SEMA3C: variants seen among roughly 807,000 people sequenced by gnomAD.
SEMA3C encodes semaphorin 3C.
In SEMA3C, 47 loss-of-function variants were observed where a neutral mutation model predicts 89.4. The observed-to-expected ratio is 0.53, with a 90% confidence interval of 0.42 to 0.67. The LOEUF (loss-of-function observed/expected upper bound fraction) is 0.67, where lower values mean the gene tolerates loss of function less well. SEMA3C is among the 30% of genes least tolerant of loss of function. SEMA3C has a pLI of 0.00. For missense variants in SEMA3C, 839 were observed against 929.1 expected (o/e 0.90, Z 1.26); for synonymous variants, 310 against 320.2 (o/e 0.97, Z 0.34).
chr7:80,792,823 C>A (rs1320579731), intron 11 of SEMA3C, among the ~76,000 whole-genome samples: 2 of 152,138 alleles, frequency 1.3e-5, no homozygotes, highest in Non-Finnish European at 2.9e-5. Context: ...ATAAGACAGA[C>A]AATGAGTGCT....
chr7:80,910,893 A>C (rs1045785784), intron 2 of SEMA3C, among the ~76,000 whole-genome samples: 10 of 152,080 alleles, frequency 6.6e-5, no homozygotes, highest in Non-Finnish European at 1.2e-4. Context: ...AGGTATAGTG[A>C]ATTTATGGAG....
At chr7:80,826,126 T>G (rs1467988033) in intron 4 of SEMA3C, among the ~76,000 whole-genome samples, 6 of 152,248 alleles carry the variant, frequency 3.9e-5, no homozygotes, top group African/African-American at 1.4e-4. Flanking sequence ...CCAAAAACTT[T>G]TGCAACTTTA....
intron 2 of SEMA3C, among the ~76,000 whole-genome samples, chr7:80,873,241 A>G (rs972727473): frequency 6.6e-6 from 1 of 152,208 alleles, no homozygotes; most frequent in African/African-American, 2.4e-5. Context: ...TGAGCAGGGA[A>G]AAGTGTGGTA....
intron 12 of SEMA3C, among the ~76,000 whole-genome samples, chr7:80,769,838 G>C (rs189363190): frequency 8.4e-6 from 1 of 118,568 alleles, no homozygotes; most frequent in African/African-American, 3.2e-5. Context: ...CAGCCTGGGG[G>C]ATAGAGCAAG....
intron 2 of SEMA3C, among the ~76,000 whole-genome samples, chr7:80,862,989 T>C: frequency 6.6e-6 from 1 of 151,988 alleles, no homozygotes; most frequent in Admixed American, 6.6e-5. Context: ...CTATAAAAAT[T>C]CTAAAAGAGA....
chr7:80,773,394 T>C (rs1788477407), intron 12 of SEMA3C, among the ~76,000 whole-genome samples: 1 of 152,156 alleles, frequency 6.6e-6, no homozygotes, highest in South Asian at 2.1e-4. Context: ...TTTCAAACAC[T>C]TTTGGTAGAA....
intron 11 of SEMA3C, among the ~76,000 whole-genome samples, chr7:80,792,783 T>C (rs1788974044): frequency 6.6e-6 from 1 of 152,176 alleles, no homozygotes; most frequent in African/African-American, 2.4e-5. Context: ...ATAATAATTA[T>C]TCTATTGATT....
chr7:80,908,581 T>C (rs1411038508), intron 2 of SEMA3C, among the ~76,000 whole-genome samples: 1 of 152,092 alleles, frequency 6.6e-6, no homozygotes, highest in Non-Finnish European at 1.5e-5. Context: ...AGAGAGCAAA[T>C]TTAGGTACTT....
chr7:80,798,010 CA>C, intron 11 of SEMA3C, 81 bp downstream of exon 11: 4 of 1,429,002 alleles, frequency 2.8e-6, no homozygotes, highest in Non-Finnish European at 3.8e-6. Flanking sequence ...AAAAAAACCC[CA>C]AAAAACCCCA....
At chr7:80,840,624 G>A (rs889877060) in intron 2 of SEMA3C, among the ~76,000 whole-genome samples, 2 of 151,732 alleles carry the variant, frequency 1.3e-5, no homozygotes, top group Non-Finnish European at 2.9e-5. Flanking sequence ...TTTCAAACAG[G>A]AGAGTCTAAA....
Position 80,826,407 on chromosome 7 carries a change from C to G in SEMA3C, c.327+1018G>C, listed in dbSNP as rs1479263561. On this transcript the variant is annotated intron_variant, in intron 4 of 17. Transcript: ENST00000265361. The stretch of plus-strand genomic sequence containing the variant: ...TATGTGTACGTGTTGACTCGTCTGT[C>G]CACCCAATTACCATATTTCCAGCTT... 2.0e-5 allele frequency among the ~76,000 whole-genome samples: 3 copies of G among 152,196 alleles called. No individual in the cohort carries two copies. The East Asian group carries it at 5.8e-4, about 29-fold the overall frequency.
rs1562912165 is a variant in SEMA3C at position 80,863,901 on chromosome 7, T to TCACA, written c.104-35157_104-35156insTGTG. The stretch of plus-strand genomic sequence containing the variant: ...GTATCACATATATATCACACATATA[T>TCACA]TACATATATATCACATATATATCAT... On this transcript the variant is annotated intron_variant, in intron 2 of 17. Coordinates refer to ENST00000265361, the MANE Select transcript of SEMA3C (RefSeq NM_006379.5). Among the ~76,000 whole-genome samples the TCACA allele has an allele frequency of 4.2e-4, 50 of 119,702 alleles. 1 individual carries two copies. Among genetic ancestry groups the TCACA allele is most frequent in the South Asian group, 7.9e-4 (3 of 3,774 alleles). The allele number at this position is 119,702 out of a possible 152,430, so 78.5% of individuals were successfully genotyped here.
At chr7:80,922,226 G>C, upstream of SEMA3C, 1 of 1,283,854 alleles carries the variant, frequency 7.8e-7, no homozygotes, top group Non-Finnish European at 1.0e-6. Flanking sequence ...TTGCCGTAAT[G>C]TCTCAGGTTT....
At chr7:80,768,689 C>G (rs1245076871) in intron 12 of SEMA3C, among the ~76,000 whole-genome samples, 1 of 152,056 alleles carries the variant, frequency 6.6e-6, no homozygotes, top group African/African-American at 2.4e-5. Context: ...TTTCTATTAA[C>G]AACCTATTGG....
At chr7:80,821,607 G>C (rs976414152) in intron 4 of SEMA3C, among the ~76,000 whole-genome samples, 7 of 152,324 alleles carry the variant, frequency 4.6e-5, no homozygotes, top group African/African-American at 1.7e-4. Flanking sequence ...TTTTAGTAGA[G>C]ACGGGGTTTC....
chr7:80,769,170 T>C (rs770942580), intron 12 of SEMA3C, among the ~76,000 whole-genome samples: 1 of 152,182 alleles, frequency 6.6e-6, no homozygotes, highest in Non-Finnish European at 1.5e-5. Flanking sequence ...GTAACTGGGG[T>C]ACTCATTATC....
chr7:80,882,604 G>T (rs570229560), intron 2 of SEMA3C, among the ~76,000 whole-genome samples: 1 of 151,736 alleles, frequency 6.6e-6, no homozygotes, highest in Admixed American at 6.6e-5. Flanking sequence ...AGCTCAACAG[G>T]CACACTAGGG....
chr7:80,867,983 T>C (rs961223162), intron 2 of SEMA3C, among the ~76,000 whole-genome samples: 2 of 152,216 alleles, frequency 1.3e-5, no homozygotes, highest in Non-Finnish European at 2.9e-5. Context: ...CTTGTGCTGC[T>C]AGATTTTCTA....
chr7:80,893,901 G>T (rs1010998705), intron 2 of SEMA3C, among the ~76,000 whole-genome samples: 1 of 151,986 alleles, frequency 6.6e-6, no homozygotes, highest in South Asian at 2.1e-4. Context: ...TGTAAACAAC[G>T]TTACAACGTT....
Sources: allele counts gnomAD v4.1 joint callset (sites outside exome capture counted in the v4.1 genomes callset), GRCh38; gene constraint gnomAD v4.1.1; transcripts MANE v1.5; gene names NCBI Gene and HGNC (gene_info 2026-07-23, HGNC 2026-07-21).